Variants in COL14A1 observed in about 807,000 individuals in gnomAD.
The protein encoded by COL14A1 is collagen type XIV alpha 1 chain, also known as collagen alpha-1(XIV) chain.
COL14A1 carries 136 observed loss-of-function variants against 230.3 expected under a neutral mutation model. The observed-to-expected ratio is 0.59, with a 90% CI of 0.51 to 0.68. COL14A1 has a LOEUF of 0.68. Among genes scored for constraint, COL14A1 ranks in the 30% least tolerant of loss-of-function variants. The pLI, the probability that COL14A1 is intolerant of heterozygous loss-of-function variation, is 0.00. For synonymous variants in COL14A1, 792 were observed against 784.1 expected, an observed-to-expected ratio of 1.01 and a Z score of -0.17; for missense variants, 1,976 against 2,215.8, an observed-to-expected ratio of 0.89 and a Z score of 2.17.
intron 14 of COL14A1, among the ~76,000 whole-genome samples, chr8:120,220,375 G>A (rs778950836): frequency 6.6e-6 from 1 of 151,186 alleles, no homozygotes; most frequent in Non-Finnish European, 1.5e-5. Context: ...CTGGGTTCAA[G>A]CGATTCTCCT....
intron 40 of COL14A1, among the ~76,000 whole-genome samples, chr8:120,318,273 A>G (rs887658407): frequency 2.0e-5 from 3 of 152,184 alleles, no homozygotes; most frequent in Non-Finnish European, 4.4e-5. Flanking sequence ...AATCCAGAAG[A>G]AGAGAGAACT....
At chr8:120,304,186 A>G (rs967609787) in intron 36 of COL14A1, among the ~76,000 whole-genome samples, 6 of 152,130 alleles carry the variant, frequency 3.9e-5, no homozygotes, top group African/African-American at 1.4e-4. Flanking sequence ...TTTTCAAAAA[A>G]CTAACTAACT....
At chr8:120,177,433 GAGGCCACGAGTTCA>G (rs1816315260) in intron 5 of COL14A1, among the ~76,000 whole-genome samples, 1 of 151,964 alleles carries the variant, frequency 6.6e-6, no homozygotes, top group Admixed American at 6.6e-5. Flanking sequence ...TGGATCACTT[GAGGCCACGAGTTCA>G]AGACCAGCCT....
At chr8:120,348,232 A>C (rs1822594470) in intron 45 of COL14A1, among the ~76,000 whole-genome samples, 1 of 148,908 alleles carries the variant, frequency 6.7e-6, no homozygotes. Context: ...GCATATATAA[A>C]GCATATATAT....
chr8:120,199,689 A>G lies in COL14A1; in HGVS notation c.877+123A>G. 4 of 968,058 alleles carry G rather than the reference A, an allele frequency of 4.1e-6. No homozygotes were observed. In the South Asian group the frequency reaches 6.9e-5, roughly 17 times the overall value. 60.0% of individuals were successfully genotyped at this position (968,058 alleles called of 1,614,324 possible). ...GACCTGAGCACTTTCTAGTCTTGGCACTTGTCATAGGCAGCCCTGTGATCT... is the reference window on the plus strand; with the variant it reads ...GACCTGAGCACTTTCTAGTCTTGGCGCTTGTCATAGGCAGCCCTGTGATCT... On this transcript the variant is annotated intron_variant, in intron 8 of 47. Transcript: ENST00000297848.
Position 120,207,091 on chromosome 8 carries a change from C to A in COL14A1, c.1188C>A (p.Asp396Glu), listed in dbSNP as rs781132164. ...ATCCTACCAGGGGTGGAAAACCAGA[C>A]GAGGTAATAAGGAGAGAGTATTTTC... ...VYYPTRGGKP[D>E]EVVVDGTVSS... The change falls in exon 10 of 48, where the codon GAC becomes GAA. Residue 396 changes from aspartate (D) to glutamate (E), a missense_variant. This residue lies in a region of COL14A1 where 1,791 missense variants were observed against 2,019.5 expected (regional missense o/e 0.89). Transcript: ENST00000297848. 75 of 1,610,208 alleles carry A rather than the reference C, an allele frequency of 4.7e-5. No homozygotes were observed. Among genetic ancestry groups the A allele is most frequent in the Non-Finnish European group, 6.3e-5 (74 of 1,178,678 alleles).
At chr8:120,147,336 A>C (rs987263713) in intron 1 of COL14A1, among the ~76,000 whole-genome samples, 18 of 152,118 alleles carry the variant, frequency 1.2e-4, no homozygotes, top group Admixed American at 6.5e-4. Flanking sequence ...CTGAGTACAA[A>C]GTGGTTTTTC....
rs186458190 is a variant in COL14A1 at position 120,330,172 on chromosome 8, G to A, written c.4660-1969G>A. 1.6e-4 allele frequency among the ~76,000 whole-genome samples: 25 copies of A among 152,302 alleles called. No homozygotes were observed. In the East Asian group the frequency reaches 4.8e-3, roughly 29 times the overall value. On this transcript the variant is annotated intron_variant, in intron 40 of 47. Coordinates refer to ENST00000297848, the MANE Select transcript of COL14A1 (RefSeq NM_021110.4). ...AGAGGGTGCAAAACAGCTAAGCAAT[G>A]TGCCTAGGCAGGAAAGGAAAACCAC... is the stretch of plus-strand genomic sequence containing the variant.
At chr8:120,247,064 A>C (rs1818788820) in intron 20 of COL14A1, among the ~76,000 whole-genome samples, 1 of 152,348 alleles carries the variant, frequency 6.6e-6, no homozygotes, top group East Asian at 1.9e-4. Context: ...GAATCAAAAT[A>C]ACAATGAAAG....
upstream of COL14A1, among the ~76,000 whole-genome samples, chr8:120,124,742 G>T (rs1222576368): frequency 1.3e-5 from 2 of 152,138 alleles, no homozygotes; most frequent in African/African-American, 4.8e-5. Context: ...TTTGGAAATG[G>T]GGAAGTGGGC....
At chr8:120,135,487 A>T (rs1458409419) in intron 1 of COL14A1, among the ~76,000 whole-genome samples, 2 of 152,048 alleles carry the variant, frequency 1.3e-5, no homozygotes, top group African/African-American at 4.8e-5. Flanking sequence ...CTGGTCTCGA[A>T]CTCCCAACCT....
chr8:120,335,798 C>G (rs1305521144), intron 42 of COL14A1, among the ~76,000 whole-genome samples: 1 of 152,206 alleles, frequency 6.6e-6, no homozygotes, highest in African/African-American at 2.4e-5. Flanking sequence ...GGCTTAGGTA[C>G]GGTTCCTCCA....
chr8:120,273,040 G>T (rs79987619), intron 26 of COL14A1, among the ~76,000 whole-genome samples: 1 of 151,578 alleles, frequency 6.6e-6, no homozygotes, highest in Non-Finnish European at 1.5e-5. Flanking sequence ...ACCATGATAG[G>T]CCACAAAACA....
chr8:120,331,107 C>CAAAAAA (rs35915187), intron 40 of COL14A1, among the ~76,000 whole-genome samples: 3 of 61,362 alleles, frequency 4.9e-5, no homozygotes, highest in Admixed American at 2.1e-4. Flanking sequence ...CTCTGTCTCA[C>CAAAAAA]AAAAAAAAAA....
Position 120,135,449 on chromosome 8 carries a change from G to A in COL14A1, c.-38+10109G>A, listed in dbSNP as rs190147223. On this transcript the variant is annotated intron_variant, in intron 1 of 47. Coordinates refer to ENST00000297848, the MANE Select transcript of COL14A1 (RefSeq NM_021110.4). ...CTGTCTAATTTTTGTATTTTTAGTA[G>A]AGATGGGGTGTCACCATATTGGTCA... Among the ~76,000 whole-genome samples the A allele has an allele frequency of 1.4e-3, 217 of 152,196 alleles. 3 individuals carry two copies. Among genetic ancestry groups the A allele is most frequent in the Middle Eastern group, 0.014 (4 of 294 alleles).
At chr8:120,313,637 T>TG (rs1211984499) in intron 37 of COL14A1, among the ~76,000 whole-genome samples, 3 of 152,034 alleles carry the variant, frequency 2.0e-5, no homozygotes, top group South Asian at 2.1e-4. Flanking sequence ...TTATGGAGTG[T>TG]GGGGGGTCTC....
chr8:120,136,087 C>A (rs1372097362), intron 1 of COL14A1, among the ~76,000 whole-genome samples: 1 of 151,906 alleles, frequency 6.6e-6, no homozygotes, highest in East Asian at 1.9e-4. Context: ...ATTCTTTCTG[C>A]CTTTTATTTC....
At position 120,166,591 on chromosome 8, in the gene COL14A1, G is replaced by T. The variant is rs150117898; in HGVS notation, c.350-1570G>T. Reference sequence around the variant, plus strand: ...CAATCTTTCTCATATTAAAGTGGCAGACATATTTTGTTTTAGAAAATGCAA... The same window carrying T: ...CAATCTTTCTCATATTAAAGTGGCATACATATTTTGTTTTAGAAAATGCAA... On this transcript the variant is annotated intron_variant, in intron 4 of 47. Coordinates refer to ENST00000297848, the MANE Select transcript of COL14A1 (RefSeq NM_021110.4). Among the ~76,000 whole-genome samples, 5 of 152,246 alleles carry T rather than the reference G, an allele frequency of 3.3e-5. No homozygotes were observed. In the East Asian group the frequency reaches 9.6e-4, roughly 29 times the overall value.
At chr8:120,197,540 A>G (rs1308368677) in intron 6 of COL14A1, among the ~76,000 whole-genome samples, 2 of 152,166 alleles carry the variant, frequency 1.3e-5, no homozygotes, top group Admixed American at 6.6e-5. Flanking sequence ...ATCTACAAAC[A>G]TGATCAGAGT....
Sources: gnomAD v4.1 joint callset for allele counts (sites outside exome capture counted in the v4.1 genomes callset) on GRCh38, gnomAD v4.1.1 for gene constraint, gnomAD v4.1.1 regional missense constraint, MANE v1.5 for transcripts, NCBI Gene and HGNC (gene_info 2026-07-23, HGNC 2026-07-21) for gene names.